The following MLLT3 variants were observed in gnomAD, a reference collection of about 807,000 sequenced individuals.
The protein encoded by MLLT3 is protein AF-9.
Under a neutral mutation model 53.2 loss-of-function variants are expected in MLLT3, and 4 were observed. The observed-to-expected ratio is 0.08, with a 90% CI of 0.04 to 0.17. The LOEUF (loss-of-function observed/expected upper bound fraction) is 0.17, where lower values mean the gene tolerates loss of function less well. Ranked by LOEUF, MLLT3 falls within the 10% of genes least tolerant of loss-of-function variation. MLLT3 has a pLI of 1.00. For synonymous variants in MLLT3, 283 were observed against 230.6 expected (o/e 1.23, Z -2.06); for missense variants, 569 against 684.0 (o/e 0.83, Z 1.87).
At chr9:20,557,478 C>A (rs1173148115) in intron 2 of MLLT3, among the ~76,000 whole-genome samples, 2 of 152,138 alleles carry the variant, frequency 1.3e-5, no homozygotes, top group African/African-American at 4.8e-5. Flanking sequence ...ACAGTTTTTG[C>A]CACATCATCG....
At chr9:20,589,931 G>C (rs1286930441) in intron 2 of MLLT3, among the ~76,000 whole-genome samples, 1 of 152,090 alleles carries the variant, frequency 6.6e-6, no homozygotes, top group South Asian at 2.1e-4. Context: ...GGCTGGCCTC[G>C]AACTCCTGAC....
chr9:20,374,125 G>A (rs1469728999), intron 5 of MLLT3, among the ~76,000 whole-genome samples: 1 of 152,208 alleles, frequency 6.6e-6, no homozygotes, highest in African/African-American at 2.4e-5. Flanking sequence ...GCACATGCCT[G>A]TAATCCCAGC....
At chr9:20,554,802 A>G (rs1244320133) in intron 2 of MLLT3, among the ~76,000 whole-genome samples, 2 of 152,240 alleles carry the variant, frequency 1.3e-5, no homozygotes, top group African/African-American at 4.8e-5. Context: ...TTTGTTCTTG[A>G]CCATTTGCTC....
At chr9:20,406,732 G>A (rs1822586779) in intron 5 of MLLT3, among the ~76,000 whole-genome samples, 1 of 152,146 alleles carries the variant, frequency 6.6e-6, no homozygotes, top group African/African-American at 2.4e-5. Flanking sequence ...CACAGATTCT[G>A]AATATTTCTT....
chr9:20,569,435 A>C (rs977332825), intron 2 of MLLT3, among the ~76,000 whole-genome samples: 1 of 152,126 alleles, frequency 6.6e-6, no homozygotes, highest in Admixed American at 6.5e-5. Context: ...AAAAACAGTT[A>C]TAGCAATAAT....
chr9:20,556,938 C>T lies in MLLT3; in HGVS notation c.193+63716G>A, dbSNP rs968588314. On this transcript the variant is annotated intron_variant, in intron 2 of 10. Transcript: ENST00000380338. ...GAAACAACCTAAGTTATAATGACAA[C>T]GTATGCAATCAGCACAAGATTTGAA... Among the ~76,000 whole-genome samples, 8 of 152,176 alleles carry T rather than the reference C, an allele frequency of 5.3e-5. No individual in the cohort carries two copies. In the East Asian group the frequency reaches 9.7e-4, roughly 18 times the overall value.
chr9:20,381,027 T>G (rs1287491847), intron 5 of MLLT3, among the ~76,000 whole-genome samples: 1 of 151,942 alleles, frequency 6.6e-6, no homozygotes, highest in Non-Finnish European at 1.5e-5. Context: ...GCTCCACTTA[T>G]TGCTCTAAAA....
intron 2 of MLLT3, among the ~76,000 whole-genome samples, chr9:20,535,782 C>T (rs1233126622): frequency 6.6e-6 from 1 of 152,144 alleles, no homozygotes; most frequent in Non-Finnish European, 1.5e-5. Flanking sequence ...GTCCCACATC[C>T]TCAATGACAT....
intron 5 of MLLT3, among the ~76,000 whole-genome samples, chr9:20,381,177 C>T (rs1821899771): frequency 6.6e-6 from 1 of 151,904 alleles, no homozygotes; most frequent in South Asian, 2.1e-4. Flanking sequence ...GATATTTCCA[C>T]ATTTGGGTAG....
chr9:20,355,095 T>TAAAAAAAAAAAAAAAAAA (rs531598773), intron 8 of MLLT3, among the ~76,000 whole-genome samples: 2 of 64,164 alleles, frequency 3.1e-5, no homozygotes, highest in African/African-American at 5.5e-5. Context: ...AAAGTAGAAC[T>TAAAAAAAAAAAAAAAAAA]AAAAAAAAAA....
At chr9:20,466,457 T>C (rs985239509) in intron 2 of MLLT3, among the ~76,000 whole-genome samples, 15 of 152,212 alleles carry the variant, frequency 9.9e-5, no homozygotes, top group Admixed American at 9.8e-4. Flanking sequence ...ATCATTTAAG[T>C]AAACCTACTT....
intron 4 of MLLT3, among the ~76,000 whole-genome samples, chr9:20,439,772 C>A (rs1307720723): frequency 1.3e-5 from 2 of 152,074 alleles, no homozygotes; most frequent in African/African-American, 2.4e-5. Context: ...TCAGTGGGAT[C>A]TCATCTACAT....
chr9:20,580,200 T>C (rs917547735), intron 2 of MLLT3, among the ~76,000 whole-genome samples: 2 of 152,188 alleles, frequency 1.3e-5, no homozygotes, highest in Non-Finnish European at 2.9e-5. Flanking sequence ...CTTTACTCTT[T>C]CTTCCTTGGG....
At chr9:20,359,931 T>A (rs764729913) in intron 8 of MLLT3, among the ~76,000 whole-genome samples, 6 of 152,246 alleles carry the variant, frequency 3.9e-5, no homozygotes, top group Non-Finnish European at 5.9e-5. Flanking sequence ...TTCATGATAC[T>A]GAAAATAGTT....
At position 20,446,051 on chromosome 9, in the gene MLLT3, AT is replaced by A. The variant is rs1376463043; in HGVS notation, c.420+2071del. On this transcript the variant is annotated intron_variant, in intron 4 of 10. Transcript: ENST00000380338. The stretch of plus-strand genomic sequence containing the variant: ...CCAAAAGATGTTTATTAGTCTACTG[AT>A]TTTTTTTACATTTCTATAGAAGTTT... Among the ~76,000 whole-genome samples, 7 of 152,106 alleles carry A rather than the reference AT, an allele frequency of 4.6e-5. 1 individual carries two copies. Among genetic ancestry groups the A allele is most frequent in the Admixed American group, 3.9e-4 (6 of 15,264 alleles).
chr9:20,425,487 C>A (rs1471630477), intron 4 of MLLT3, among the ~76,000 whole-genome samples: 2 of 152,012 alleles, frequency 1.3e-5, no homozygotes, highest in East Asian at 1.9e-4. Context: ...CCTTTTCATG[C>A]ACTCATTTGC....
intron 2 of MLLT3, among the ~76,000 whole-genome samples, chr9:20,528,510 T>C (rs777017575): frequency 6.6e-6 from 1 of 152,258 alleles, no homozygotes; most frequent in African/African-American, 2.4e-5. Context: ...TCAGTTTCAC[T>C]GCACTGAAAT....
intron 2 of MLLT3, among the ~76,000 whole-genome samples, chr9:20,519,953 C>G (rs185636868): frequency 1.3e-5 from 2 of 152,248 alleles, no homozygotes; most frequent in Admixed American, 1.3e-4. Flanking sequence ...AACCTAAATG[C>G]CCATCTATGG....
chr9:20,569,700 G>A (rs1819479394), intron 2 of MLLT3, among the ~76,000 whole-genome samples: 1 of 152,144 alleles, frequency 6.6e-6, no homozygotes, highest in South Asian at 2.1e-4. Flanking sequence ...AAGGTTTGGA[G>A]TGAAGAGACC....
Sources: gnomAD v4.1 joint callset for allele counts (sites outside exome capture counted in the v4.1 genomes callset) on GRCh38, gnomAD v4.1.1 for gene constraint, MANE v1.5 for transcripts, NCBI Gene and HGNC (gene_info 2026-07-23, HGNC 2026-07-21) for gene names.